AK8: variants seen among roughly 807,000 people sequenced by gnomAD.
AK8 encodes the protein ATP-AMP transphosphorylase 8.
AK8 carries 44 observed loss-of-function variants against 54.6 expected under a neutral mutation model. The ratio of observed to expected loss-of-function variants is 0.81; its 90% CI spans 0.63 to 1.04. The LOEUF (loss-of-function observed/expected upper bound fraction) is 1.04. Ranked by LOEUF, AK8 falls within the 50% of genes least tolerant of loss-of-function variation. The pLI is 0.00. For missense variants in AK8, 555 were observed against 613.6 expected, an observed-to-expected ratio of 0.90 and a Z score of 1.01; for synonymous variants, 239 against 245.6, an observed-to-expected ratio of 0.97 and a Z score of 0.25.
At chr9:132,786,079 C>T (rs996457824) in intron 11 of AK8, among the ~76,000 whole-genome samples, 2 of 152,190 alleles carry the variant, frequency 1.3e-5, no homozygotes, top group African/African-American at 4.8e-5. Flanking sequence ...GCTGAGGCGG[C>T]CTCAGAAAGC....
At chr9:132,865,200 C>G (rs1843537084) in intron 3 of AK8, among the ~76,000 whole-genome samples, 1 of 152,186 alleles carries the variant, frequency 6.6e-6, no homozygotes, top group Admixed American at 6.5e-5. Flanking sequence ...ACCCTACGGC[C>G]TGATATGGAG....
chr9:132,739,342 T>C (rs1198512858), intron 11 of AK8, among the ~76,000 whole-genome samples: 2 of 146,062 alleles, frequency 1.4e-5, no homozygotes, highest in Non-Finnish European at 3.0e-5. Context: ...CTTGGGAGAC[T>C]GAGGCAGGAG....
chr9:132,761,259 C>CTTTTTTTTTTTTT lies in AK8; in HGVS notation c.1121+31374_1121+31375insAAAAAAAAAAAAA, dbSNP rs202041016. On this transcript the variant is annotated intron_variant, in intron 11 of 12. Transcript: ENST00000298545. ...GGATTTTCTATTTCTTTTTTCTTTT[C>CTTTTTTTTTTTTT]TTTTCTTTTCTTTTTTTTTTTTTTT... 2.2e-4 allele frequency among the ~76,000 whole-genome samples: 30 copies of CTTTTTTTTTTTTT among 133,354 alleles called. 1 individual carries two copies. The highest frequency in any genetic ancestry group is 9.1e-4 in the African/African-American group (27 of 29,550). The allele number at this position is 133,354 out of a possible 152,430, so 87.5% of individuals were successfully genotyped here.
chr9:132,782,255 T>C lies in AK8; in HGVS notation c.1121+10379A>G, dbSNP rs1397811628. On this transcript the variant is annotated intron_variant, in intron 11 of 12. Transcript: ENST00000298545. Reference sequence around the variant, plus strand: ...TGGGCTCGGTAAGTAAAACAGTCATTTTTCCCCCCAGGCTTCAGAAAACCA... The same window carrying C: ...TGGGCTCGGTAAGTAAAACAGTCATCTTTCCCCCCAGGCTTCAGAAAACCA... Among the ~76,000 whole-genome samples the C allele has an allele frequency of 3.9e-5, 6 of 152,184 alleles. No homozygotes were observed. In the East Asian group the frequency reaches 1.2e-3, roughly 29 times the overall value.
rs1840316330 is a variant in AK8, at chr9:132,799,004, C to G, written c.980-6229G>C. 6.6e-6 allele frequency among the ~76,000 whole-genome samples: 1 copy of G among 152,178 alleles called. No individual in the cohort carries two copies. The highest frequency in any genetic ancestry group is 2.4e-5 in the African/African-American group (1 of 41,460). ...GAGTCCCGACACCCATGAGATGCAA[C>G]TGGGCAGCACTGACTCCTCCCGGGC... On this transcript the variant is annotated intron_variant, in intron 10 of 12. Coordinates refer to ENST00000298545, the MANE Select transcript of AK8 (RefSeq NM_152572.3). The surrounding 1 kb of genome is among the most constrained non-coding windows in gnomAD (Gnocchi z 5.0).
chr9:132,763,093 C>T (rs1392452698), intron 11 of AK8, among the ~76,000 whole-genome samples: 1 of 152,230 alleles, frequency 6.6e-6, no homozygotes, highest in African/African-American at 2.4e-5. Context: ...AGTATCTACA[C>T]AGCTGTGCTC....
intron 12 of AK8, among the ~76,000 whole-genome samples, chr9:132,726,612 G>A (rs1002014907): frequency 1.8e-4 from 27 of 152,244 alleles, no homozygotes; most frequent in African/African-American, 6.3e-4. Context: ...TATCTGCACT[G>A]AGTCCTGTGT....
intron 11 of AK8, 146 bp downstream of exon 11, chr9:132,792,488 G>C: frequency 8.3e-7 from 1 of 1,201,430 alleles, no homozygotes. Context: ...CGGGCAGATG[G>C]GATGGGTGGG....
At chr9:132,764,146 A>G (rs1838614404) in intron 11 of AK8, among the ~76,000 whole-genome samples, 1 of 152,152 alleles carries the variant, frequency 6.6e-6, no homozygotes, top group African/African-American at 2.4e-5. Flanking sequence ...CTCTACTAAA[A>G]AATAATTTAA....
chr9:132,835,071 C>T (rs1174370885), intron 5 of AK8, among the ~76,000 whole-genome samples: 4 of 152,128 alleles, frequency 2.6e-5, no homozygotes, highest in African/African-American at 4.8e-5. Flanking sequence ...GGGGTTTCCC[C>T]GTGTTAGCCA....
chr9:132,738,135 C>G (rs868463451), intron 11 of AK8, among the ~76,000 whole-genome samples: 58 of 152,028 alleles, frequency 3.8e-4, no homozygotes, highest in African/African-American at 1.4e-3. Flanking sequence ...CTCACTGCAA[C>G]CTCCGCCTCC....
intron 11 of AK8, among the ~76,000 whole-genome samples, chr9:132,760,179 C>T (rs889645311): frequency 2.0e-5 from 3 of 151,534 alleles, no homozygotes; most frequent in Non-Finnish European, 2.9e-5. Context: ...TTCTGCTATA[C>T]GTTGTTAATT....
At chr9:132,849,629 G>A (rs116445986) in intron 5 of AK8, among the ~76,000 whole-genome samples, 21 of 152,106 alleles carry the variant, frequency 1.4e-4, no homozygotes, top group African/African-American at 2.9e-4. Flanking sequence ...GTTGCAGCCC[G>A]GCCGGCAGGG....
At chr9:132,851,740 T>C (rs1842979561) in intron 5 of AK8, among the ~76,000 whole-genome samples, 2 of 152,348 alleles carry the variant, frequency 1.3e-5, no homozygotes, top group South Asian at 2.1e-4. Flanking sequence ...AACCACACTC[T>C]GAGAAGCCTG....
intron 2 of AK8, among the ~76,000 whole-genome samples, chr9:132,869,490 C>T (rs916963854): frequency 1.1e-4 from 17 of 152,218 alleles, no homozygotes; most frequent in African/African-American, 4.1e-4. Context: ...CCTGTGACTC[C>T]GACTCTGGAC....
In AK8 at chr9:132,826,707, A is replaced by C; in HGVS notation, c.757+147T>G. ...GCACACATGCATTTCTGGGCAGGGA[A>C]CCCGGGTCATCTATGTCTTGACTTC... On this transcript the variant is annotated intron_variant, in intron 8 of 12. Transcript: ENST00000298545. This position sits in a 1 kb window ranked among gnomAD's most constrained non-coding sequence, Gnocchi z 4.5. 23 of 896,584 alleles carry C rather than the reference A, an allele frequency of 2.6e-5. No homozygotes were observed. The highest frequency in any genetic ancestry group is 3.5e-5 in the Non-Finnish European group (21 of 592,262). The allele number at this position is 896,584 out of a possible 1,614,324, so 55.5% of individuals were successfully genotyped here. A position where few individuals can be genotyped will look rare whatever the true frequency, so the allele number is the denominator to read the frequency against.
chr9:132,861,686 T>C (rs892682563), intron 4 of AK8: 1 of 152,178 alleles, frequency 6.6e-6, no homozygotes, highest in Admixed American at 6.5e-5. Context: ...GAAAATCAGG[T>C]ATTTGAAGGT....
Position 132,878,234 on chromosome 9 carries a change from G to A in AK8, c.22C>T (p.His8Tyr), listed in dbSNP as rs1844238288. 1.4e-6 allele frequency: 2 copies of A among 1,436,376 alleles called. No homozygotes were observed. Among genetic ancestry groups the A allele is most frequent in the East Asian group, 2.6e-5 (1 of 38,634 alleles). The allele number at this position is 1,436,376 out of a possible 1,614,324, so 89.0% of individuals were successfully genotyped here. A position where few individuals can be genotyped will look rare whatever the true frequency, so the allele number is the denominator to read the frequency against. Residue 8 changes from histidine (H) to tyrosine (Y), a missense_variant, in exon 1 of 13, where the codon CAC becomes TAC. Coordinates refer to ENST00000298545, the MANE Select transcript of AK8 (RefSeq NM_152572.3). This position sits in a 1 kb window ranked among gnomAD's most constrained non-coding sequence, Gnocchi z 4.7. ...TGGGGCATCTCGGGGGGGATACGGT[G>A]CGGGGCGATAGTGGCGTCCATGTAG... MDATIAP[H>Y]RIPPEMPQYG... is the part of the protein sequence containing the mutation.
intron 5 of AK8, among the ~76,000 whole-genome samples, chr9:132,833,092 A>G (rs1283303910): frequency 6.6e-6 from 1 of 152,194 alleles, no homozygotes; most frequent in East Asian, 1.9e-4. Context: ...GCTGGTCCAC[A>G]CTGGTCCACC....
Sources: gnomAD v4.1 joint callset for allele counts (sites outside exome capture counted in the v4.1 genomes callset) on GRCh38, gnomAD v4.1.1 for gene constraint, Gnocchi (gnomAD v3.1) non-coding constraint, MANE v1.5 for transcripts, NCBI Gene and HGNC (gene_info 2026-07-23, HGNC 2026-07-21) for gene names.